The following SVIL variants were observed in gnomAD, a reference collection of about 807,000 sequenced individuals.
SVIL encodes archvillin.
A neutral mutation model predicts 240.4 loss-of-function variants in SVIL; 101 were observed. The observed-to-expected ratio is 0.42, with a 90% confidence interval of 0.36 to 0.50. SVIL has a LOEUF of 0.50. Among genes scored for constraint, SVIL ranks in the 20% least tolerant of loss-of-function variants. SVIL has a pLI of 0.01. For missense variants in SVIL, 2,512 were observed against 2,818.7 expected (o/e 0.89, Z 2.46); for synonymous variants, 999 against 1,100.0 (o/e 0.91, Z 1.82).
In SVIL at chr10:29,473,895, ACT is replaced by A. The variant is rs1945870038; in HGVS notation, c.5470_5471del (p.Ser1824Ter). The A allele has an allele frequency of 6.2e-7, 1 of 1,610,618 alleles. No homozygotes were observed. The highest frequency in any genetic ancestry group is 8.5e-7 in the Non-Finnish European group (1 of 1,178,650). The stretch of plus-strand genomic sequence containing the variant: ...TCATCAGCGCCGACGTGCCCTTCTC[ACT>A]CACGGTGGAGTGCCGGCCTTGCCAG... ...FFWQGRHSTV[S>X]EKGTSALMTV... On this transcript the variant is annotated frameshift_variant, in exon 30 of 38. Transcript: ENST00000355867. LOFTEE classifies it high-confidence loss of function.
chr10:29,716,909 C>T (rs1343417470), intron 1 of SVIL, among the ~76,000 whole-genome samples: 4 of 152,168 alleles, frequency 2.6e-5, no homozygotes, highest in Non-Finnish European at 4.4e-5. Context: ...AAAAAGAATG[C>T]TTGCTGAAGC....
In SVIL at chr10:29,532,429, A is replaced by T. The variant is rs1673966828; in HGVS notation, c.1838+100T>A. On this transcript the variant is annotated intron_variant, in intron 8 of 37. Coordinates refer to ENST00000355867, the MANE Select transcript of SVIL (RefSeq NM_021738.3). ...CCTGCACGCACTTGTGAGCTAAGCTAATATGATTCAATGCAGAACACAACA... is the reference window on the plus strand; with the variant it reads ...CCTGCACGCACTTGTGAGCTAAGCTTATATGATTCAATGCAGAACACAACA... 3 of 1,480,688 alleles carry T rather than the reference A, an allele frequency of 2.0e-6. No homozygotes were observed. In the African/African-American group the frequency reaches 4.2e-5, roughly 21 times the overall value. 91.7% of individuals were successfully genotyped at this position (1,480,688 alleles called of 1,614,324 possible).
chr10:29,608,885 C>T (rs1190765002), intron 1 of SVIL, among the ~76,000 whole-genome samples: 1 of 152,230 alleles, frequency 6.6e-6, no homozygotes, highest in Non-Finnish European at 1.5e-5. Flanking sequence ...CTCAGCTGTC[C>T]GTTCCAGGTG....
chr10:29,580,049 G>A (rs1955872462), intron 1 of SVIL, among the ~76,000 whole-genome samples: 1 of 151,960 alleles, frequency 6.6e-6, no homozygotes, highest in African/African-American at 2.4e-5. Context: ...GGCAAAACAG[G>A]GCCTGGTGGT....
chr10:29,647,655 A>G (rs1245058698), intron 3 of SVIL, among the ~76,000 whole-genome samples: 2 of 140,526 alleles, frequency 1.4e-5, no homozygotes, highest in South Asian at 4.5e-4. Flanking sequence ...GTGTGTGTGT[A>G]GAGACAGTGA....
intron 1 of SVIL, among the ~76,000 whole-genome samples, chr10:29,620,895 G>A (rs1957608453): frequency 6.6e-6 from 1 of 152,130 alleles, no homozygotes; most frequent in South Asian, 2.1e-4. Context: ...GGGATTACAG[G>A]TGTGAGCCAC....
chr10:29,724,567 G>GA (rs201311812), intron 1 of SVIL, among the ~76,000 whole-genome samples: 6 of 151,612 alleles, frequency 4.0e-5, no homozygotes, highest in South Asian at 2.1e-4. Flanking sequence ...GGGTCAGAAT[G>GA]AAAAAAAATA....
chr10:29,480,776 G>A lies in SVIL; in HGVS notation c.5138C>T (p.Thr1713Ile), dbSNP rs143178190. Residue 1713 changes from threonine to isoleucine, a missense_variant, in exon 29 of 38, where the codon ACA (threonine) becomes ATA (isoleucine). Physicochemically the swap from Thr to Ile is moderately conservative, Grantham distance 89. Coordinates refer to ENST00000355867, the MANE Select transcript of SVIL (RefSeq NM_021738.3). ...PRTDVKAYDV[T>I]RMVSMPQTTA... ...CGTCTGGGGCATGGACACCATCCGT[G>A]TCACATCGTATGCCTTGACATCAGT... The A allele has an allele frequency of 1.4e-3, 2,231 of 1,613,246 alleles. 14 individuals carry two copies. Among genetic ancestry groups the A allele is most frequent in the South Asian group, 3.4e-3 (310 of 91,086 alleles).
At chr10:29,688,980 A>C (rs1961293888) in intron 1 of SVIL, among the ~76,000 whole-genome samples, 1 of 152,234 alleles carries the variant, frequency 6.6e-6, no homozygotes, top group South Asian at 2.1e-4. Flanking sequence ...GCATAATTAC[A>C]TATGGATGAA....
At chr10:29,498,760 T>C (rs1948650174) in intron 18 of SVIL, among the ~76,000 whole-genome samples, 1 of 151,866 alleles carries the variant, frequency 6.6e-6, no homozygotes. Context: ...GTGGGAGGAT[T>C]ACTTAAGCCC....
At position 29,523,794 on chromosome 10, in the gene SVIL, G is replaced by A. The variant is rs1387746671; in HGVS notation, c.2820C>T (p.Asn940=). 1.2e-6 allele frequency: 2 copies of A among 1,614,134 alleles called. No homozygotes were observed. The highest frequency in any genetic ancestry group is 1.7e-5 in the Admixed American group (1 of 60,018). Reference sequence around the variant, plus strand: ...CTCCATATTCTCTCAACATTCCCTTGTTCTCGCTACCCTCTACCAAAGGCT... The same window carrying A: ...CTCCATATTCTCTCAACATTCCCTTATTCTCGCTACCCTCTACCAAAGGCT... ...AWQPLVEGSE[N]KGMLREYGET... Residue 940 remains asparagine, a synonymous_variant, in exon 15 of 38, where the codon AAC becomes AAT. Coordinates refer to ENST00000355867, the MANE Select transcript of SVIL (RefSeq NM_021738.3).
chr10:29,651,339 T>G (rs1212057581), intron 3 of SVIL, among the ~76,000 whole-genome samples: 3 of 152,162 alleles, frequency 2.0e-5, no homozygotes, highest in Non-Finnish European at 4.4e-5. Flanking sequence ...TGCCAAATTG[T>G]CTCCACTGTA....
intron 36 of SVIL, among the ~76,000 whole-genome samples, chr10:29,459,781 C>T (rs1392930373): frequency 5.9e-5 from 9 of 152,172 alleles, no homozygotes; most frequent in Non-Finnish European, 1.3e-4. Flanking sequence ...ATACATGGAA[C>T]AGACTGGTGG....
At position 29,546,913 on chromosome 10, in the gene SVIL, GA is replaced by G. The variant is rs532810722; in HGVS notation, c.827+3683del. On this transcript the variant is annotated intron_variant, in intron 6 of 37. Transcript: ENST00000355867. ...AGAAAAATATTCCATTTTAGTGACA[GA>G]AAAAAATCCACAAAAAACCACAGCA... Among the ~76,000 whole-genome samples, 5 of 152,206 alleles carry G rather than the reference GA, an allele frequency of 3.3e-5. No individual in the cohort carries two copies. The East Asian group carries it at 7.7e-4, about 23-fold the overall frequency.
At chr10:29,730,684 C>T (rs916690650) in intron 1 of SVIL, among the ~76,000 whole-genome samples, 6 of 152,154 alleles carry the variant, frequency 3.9e-5, no homozygotes, top group South Asian at 2.1e-4. Context: ...ACTCAGCAAC[C>T]GTGAATCATC....
At chr10:29,491,721 A>G (rs538613178) in intron 21 of SVIL, among the ~76,000 whole-genome samples, 1 of 152,228 alleles carries the variant, frequency 6.6e-6, no homozygotes, top group Non-Finnish European at 1.5e-5. Flanking sequence ...CTCCACCTCC[A>G]GCTGCGCGGG....
chr10:29,625,605 A>G (rs1056138615), intron 1 of SVIL, among the ~76,000 whole-genome samples: 2 of 152,218 alleles, frequency 1.3e-5, no homozygotes, highest in African/African-American at 4.8e-5. Flanking sequence ...CTGGGACTAC[A>G]GGTGCCCACC....
chr10:29,640,188 A>G (rs1958439018), intron 3 of SVIL, among the ~76,000 whole-genome samples: 1 of 151,894 alleles, frequency 6.6e-6, no homozygotes, highest in Admixed American at 6.6e-5. Flanking sequence ...TTGTCATTGG[A>G]TTCTGGCTCC....
At chr10:29,682,593 A>G (rs1425885911) in intron 2 of SVIL, among the ~76,000 whole-genome samples, 1 of 152,268 alleles carries the variant, frequency 6.6e-6, no homozygotes, top group Non-Finnish European at 1.5e-5. Context: ...AAAAGGAACC[A>G]AACCAATGAA....
Sources: allele counts gnomAD v4.1 joint callset (sites outside exome capture counted in the v4.1 genomes callset), GRCh38; gene constraint gnomAD v4.1.1; transcripts MANE v1.5; gene names NCBI Gene and HGNC (gene_info 2026-07-23, HGNC 2026-07-21).